ACBD6: variants seen among roughly 807,000 people sequenced by gnomAD.
ACBD6 encodes the protein acyl-CoA-binding domain-containing protein 6.
Under a neutral mutation model 37.2 loss-of-function variants are expected in ACBD6, and 28 were observed. That is an observed-to-expected ratio of 0.75 (90% confidence interval 0.56 to 1.03). The LOEUF (loss-of-function observed/expected upper bound fraction) is 1.03, where lower values mean the gene tolerates loss of function less well. ACBD6 is among the 50% of genes least tolerant of loss of function. ACBD6 has a pLI of 0.00. For missense variants in ACBD6, 340 were observed against 337.4 expected (o/e 1.01, Z -0.06); for synonymous variants, 113 against 126.8 (o/e 0.89, Z 0.73).
intron 5 of ACBD6, among the ~76,000 whole-genome samples, chr1:180,412,859 C>G (rs1647916081): frequency 6.6e-6 from 1 of 152,114 alleles, no homozygotes. Flanking sequence ...GAGTGAGACC[C>G]TGTTTCTCCC....
chr1:180,282,547 C>T (rs1464666439), intron 8 of ACBD6, among the ~76,000 whole-genome samples: 1 of 152,152 alleles, frequency 6.6e-6, no homozygotes, highest in East Asian at 1.9e-4. Flanking sequence ...GAAAAACAAA[C>T]ATCCATAAAG....
intron 3 of ACBD6, among the ~76,000 whole-genome samples, chr1:180,447,443 T>C (rs543948920): frequency 1.5e-3 from 234 of 152,308 alleles, no homozygotes; most frequent in African/African-American, 5.3e-3. Flanking sequence ...CACCCCACAA[T>C]AGAATTTAAG....
chr1:180,483,385 C>A (rs1188253863), intron 3 of ACBD6, among the ~76,000 whole-genome samples: 1 of 152,142 alleles, frequency 6.6e-6, no homozygotes, highest in Admixed American at 6.5e-5. Context: ...TAATCACTTT[C>A]TAAGACACTA....
chr1:180,347,083 A>C (rs1037073415), intron 6 of ACBD6, among the ~76,000 whole-genome samples: 8 of 152,096 alleles, frequency 5.3e-5, no homozygotes, highest in Non-Finnish European at 4.4e-5. Context: ...TCCAAACCCA[A>C]ACTAATACAG....
exon 14 of ACBD6, chr1:180,271,871 C>G: frequency 6.2e-7 from 1 of 1,613,712 alleles, no homozygotes; most frequent in Non-Finnish European, 8.5e-7. Context: ...AGAGAAACGC[C>G]TGAAGAAGGA....
intron 6 of ACBD6, among the ~76,000 whole-genome samples, chr1:180,384,473 A>G (rs1653776246): frequency 6.6e-6 from 1 of 152,196 alleles, no homozygotes; most frequent in African/African-American, 2.4e-5. Flanking sequence ...TCCCAGTTAG[A>G]ATGGTTATTA....
intron 6 of ACBD6, among the ~76,000 whole-genome samples, chr1:180,315,233 A>G (rs182911205): frequency 6.6e-6 from 1 of 152,356 alleles, no homozygotes; most frequent in African/African-American, 2.4e-5. Flanking sequence ...TGTGATTTCA[A>G]AGCATACAAA....
chr1:180,481,444 G>T (rs1022867015), intron 3 of ACBD6, among the ~76,000 whole-genome samples: 1 of 152,136 alleles, frequency 6.6e-6, no homozygotes, highest in African/African-American at 2.4e-5. Flanking sequence ...TGCAGACTTT[G>T]TGCTTTATAA....
Position 180,397,592 on chromosome 1 carries a change from A to G in ACBD6, c.587T>C (p.Leu196Pro). The G allele has an allele frequency of 6.2e-7, 1 of 1,613,880 alleles. No individual in the cohort carries two copies. The highest frequency in any genetic ancestry group is 8.5e-7 in the Non-Finnish European group (1 of 1,179,762). The change falls in exon 6 of 8, where the codon CTT becomes CCT. Residue 196 changes from leucine (L) to proline (P), a missense_variant. Transcript: ENST00000367595. ...NVKDEEGRAL[L>P]HWACDRGHKE... Reference sequence around the variant, plus strand: ...ATGTCCTCGATCACAGGCCCAGTGAAGTAGAGCCCTACCCTAAAAACACAG... The same window carrying G: ...ATGTCCTCGATCACAGGCCCAGTGAGGTAGAGCCCTACCCTAAAAACACAG...
chr1:180,285,587 T>G (rs1262021123), downstream of ACBD6, among the ~76,000 whole-genome samples: 2 of 152,342 alleles, frequency 1.3e-5, no homozygotes, highest in East Asian at 3.9e-4. Flanking sequence ...AAAGCTTTCA[T>G]GTTCAACTGA....
intron 6 of ACBD6, 40 bp downstream of exon 6, chr1:180,397,476 T>C: frequency 1.3e-6 from 2 of 1,545,740 alleles, no homozygotes; most frequent in Non-Finnish European, 1.8e-6. Context: ...CGAATTATAC[T>C]TCAATTTAAA....
chr1:180,376,264 T>G (rs1011574139), intron 6 of ACBD6, among the ~76,000 whole-genome samples: 1 of 152,190 alleles, frequency 6.6e-6, no homozygotes, highest in African/African-American at 2.4e-5. Flanking sequence ...AGAGGGAAAT[T>G]TGGCAACATC....
At chr1:180,383,292 C>T (rs1232969584) in intron 6 of ACBD6, among the ~76,000 whole-genome samples, 1 of 152,116 alleles carries the variant, frequency 6.6e-6, no homozygotes, top group Non-Finnish European at 1.5e-5. Flanking sequence ...CTAGAAAAAC[C>T]TATAGGCTCC....
chr1:180,322,693 T>C (rs1057508963), intron 6 of ACBD6, among the ~76,000 whole-genome samples: 1 of 151,808 alleles, frequency 6.6e-6, no homozygotes, highest in African/African-American at 2.4e-5. Context: ...TTCAGTGGTA[T>C]TGGCTGTAAT....
intron 2 of ACBD6, among the ~76,000 whole-genome samples, chr1:180,492,970 C>T (rs756139209): frequency 6.6e-6 from 1 of 151,988 alleles, no homozygotes. Flanking sequence ...GAATACTGGC[C>T]AGGCTTGGTG....
At chr1:180,477,060 G>A (rs1160476872) in intron 3 of ACBD6, among the ~76,000 whole-genome samples, 1 of 152,064 alleles carries the variant, frequency 6.6e-6, no homozygotes, top group African/African-American at 2.4e-5. Context: ...GCCTGAAACT[G>A]TAGACACTAC....
intron 3 of ACBD6, among the ~76,000 whole-genome samples, chr1:180,451,421 C>G (rs1206497425): frequency 2.0e-5 from 3 of 152,118 alleles, no homozygotes; most frequent in Non-Finnish European, 4.4e-5. Context: ...CAAAAACTTG[C>G]ACACAAATGT....
intron 6 of ACBD6, among the ~76,000 whole-genome samples, chr1:180,381,405 C>T (rs1191228206): frequency 1.3e-5 from 2 of 152,144 alleles, no homozygotes; most frequent in Non-Finnish European, 2.9e-5. Flanking sequence ...CCAACAGCTA[C>T]AAAATACACA....
At chr1:180,338,907 G>A (rs989230494) in intron 6 of ACBD6, among the ~76,000 whole-genome samples, 4 of 152,230 alleles carry the variant, frequency 2.6e-5, no homozygotes, top group African/African-American at 7.2e-5. Flanking sequence ...AGACATTTAT[G>A]CAGCCAAAAG....
Sources: gnomAD v4.1 joint callset for allele counts (sites outside exome capture counted in the v4.1 genomes callset) on GRCh38, gnomAD v4.1.1 for gene constraint, MANE v1.5 for transcripts, NCBI Gene and HGNC (gene_info 2026-07-23, HGNC 2026-07-21) for gene names.